Variants in KCNMB2 observed in about 807,000 individuals in gnomAD.
KCNMB2 encodes the protein potassium calcium-activated channel subfamily M regulatory beta subunit 2, also known as calcium-activated potassium channel subunit beta-2.
In KCNMB2, 9 loss-of-function variants were observed where a neutral mutation model predicts 24.5. The ratio of observed to expected loss-of-function variants is 0.37; its 90% CI spans 0.22 to 0.64. The LOEUF is 0.64. Among genes scored for constraint, KCNMB2 ranks in the 30% least tolerant of loss-of-function variants. The pLI is 0.63. For synonymous variants in KCNMB2, 109 were observed against 104.4 expected (o/e 1.04, Z -0.27); for missense variants, 226 against 284.3 (o/e 0.79, Z 1.47).
chr3:178,795,507 T>C (rs1045641402), intron 1 of KCNMB2, among the ~76,000 whole-genome samples: 6 of 152,206 alleles, frequency 3.9e-5, no homozygotes, highest in Non-Finnish European at 5.9e-5. Flanking sequence ...TTTTCCTGGC[T>C]GAGCCACACA....
chr3:178,547,455 T>C (rs1715810612), intron 1 of KCNMB2, among the ~76,000 whole-genome samples: 3 of 152,222 alleles, frequency 2.0e-5, no homozygotes, highest in Non-Finnish European at 4.4e-5. Flanking sequence ...GGTGAGATTA[T>C]GGAACACTGG....
At chr3:178,588,252 G>A (rs1017689502) in intron 1 of KCNMB2, among the ~76,000 whole-genome samples, 1 of 152,040 alleles carries the variant, frequency 6.6e-6, no homozygotes, top group Non-Finnish European at 1.5e-5. Flanking sequence ...GCAAAAAAAA[G>A]GCCTCATTCC....
intron 1 of KCNMB2, among the ~76,000 whole-genome samples, chr3:178,663,674 C>G (rs1025147088): frequency 6.6e-6 from 1 of 152,124 alleles, no homozygotes; most frequent in Non-Finnish European, 1.5e-5. Context: ...AGGGACCTAG[C>G]TGATACCAAA....
chr3:178,593,738 G>A (rs193016657), intron 1 of KCNMB2, among the ~76,000 whole-genome samples: 9 of 150,802 alleles, frequency 6.0e-5, no homozygotes, highest in Middle Eastern at 6.8e-3. Context: ...TCTCTTTCCC[G>A]TGTTGCAATG....
At chr3:178,673,025 C>T (rs191807938) in intron 1 of KCNMB2, among the ~76,000 whole-genome samples, 86 of 152,298 alleles carry the variant, frequency 5.6e-4, no homozygotes, top group Admixed American at 4.5e-3. Context: ...ACTCATTGAT[C>T]ATACTATTCT....
chr3:178,799,725 A>C (rs1713702668), intron 1 of KCNMB2, among the ~76,000 whole-genome samples: 1 of 152,118 alleles, frequency 6.6e-6, no homozygotes, highest in Non-Finnish European at 1.5e-5. Context: ...CCAAAGCCAT[A>C]CTGAGCAAAA....
At chr3:178,739,102 G>GAA (rs35023195) in intron 1 of KCNMB2, among the ~76,000 whole-genome samples, 3,720 of 142,122 alleles carry the variant, frequency 0.026, 67 homozygotes, top group Non-Finnish European at 0.039. Flanking sequence ...CTAAATAACA[G>GAA]AAAAAAAAAA....
intron 1 of KCNMB2, among the ~76,000 whole-genome samples, chr3:178,650,861 G>T (rs765044712): frequency 1.3e-5 from 2 of 151,874 alleles, no homozygotes; most frequent in Admixed American, 6.6e-5. Flanking sequence ...ATTTAACACC[G>T]CTTCATGCTA....
At chr3:178,835,190 G>A (rs2108474851) in intron 4 of KCNMB2, among the ~76,000 whole-genome samples, 1 of 151,892 alleles carries the variant, frequency 6.6e-6, no homozygotes, top group South Asian at 2.1e-4. Flanking sequence ...TACAGGAAAG[G>A]AAAATCTCTC....
At chr3:178,775,227 T>G (rs2108425482) in intron 1 of KCNMB2, among the ~76,000 whole-genome samples, 1 of 152,354 alleles carries the variant, frequency 6.6e-6, no homozygotes, top group Admixed American at 6.5e-5. Flanking sequence ...ATTACATTTT[T>G]TTTAAACACT....
intron 4 of KCNMB2, among the ~76,000 whole-genome samples, chr3:178,833,389 T>C (rs1187133539): frequency 2.0e-5 from 3 of 152,198 alleles, no homozygotes; most frequent in African/African-American, 7.2e-5. Flanking sequence ...CTCACTTTCC[T>C]GGCCCAGTGA....
chr3:178,602,344 AC>A (rs756244029), intron 1 of KCNMB2, among the ~76,000 whole-genome samples: 8 of 152,108 alleles, frequency 5.3e-5, no homozygotes, highest in Non-Finnish European at 1.2e-4. Flanking sequence ...TGATTTACCT[AC>A]TATATGCCTG....
intron 1 of KCNMB2, among the ~76,000 whole-genome samples, chr3:178,603,692 T>C (rs896102873): frequency 2.0e-5 from 3 of 152,126 alleles, no homozygotes; most frequent in African/African-American, 7.2e-5. Context: ...AGCATGTTAG[T>C]TGAATGATAA....
At chr3:178,606,944 A>G (rs1244209897) in intron 1 of KCNMB2, among the ~76,000 whole-genome samples, 1 of 152,210 alleles carries the variant, frequency 6.6e-6, no homozygotes, top group Non-Finnish European at 1.5e-5. Flanking sequence ...CTATGAACCA[A>G]TAAGTAGTCC....
chr3:178,760,685 G>A (rs975060447), intron 1 of KCNMB2, among the ~76,000 whole-genome samples: 6 of 151,620 alleles, frequency 4.0e-5, no homozygotes, highest in South Asian at 4.2e-4. Context: ...AGATGCAGTC[G>A]AAGTGTAAGG....
At chr3:178,566,495 A>G (rs2108470448) in intron 1 of KCNMB2, among the ~76,000 whole-genome samples, 1 of 152,270 alleles carries the variant, frequency 6.6e-6, no homozygotes, top group African/African-American at 2.4e-5. Context: ...ACTCATATGG[A>G]CTATAACACA....
intron 1 of KCNMB2, among the ~76,000 whole-genome samples, chr3:178,563,515 C>T (rs1014622792): frequency 1.3e-5 from 2 of 152,182 alleles, no homozygotes; most frequent in Non-Finnish European, 2.9e-5. Flanking sequence ...AACCTGGACT[C>T]AATTTCATGT....
At position 178,656,224 on chromosome 3, in the gene KCNMB2, C is replaced by T. The variant is rs954963838; in HGVS notation, c.-68+119513C>T. Among the ~76,000 whole-genome samples the T allele has an allele frequency of 5.3e-5, 8 of 152,176 alleles. 1 individual carries two copies. The highest frequency in any genetic ancestry group is 1.9e-4 in the African/African-American group (8 of 41,520). On this transcript the variant is annotated intron_variant, in intron 1 of 4. Transcript: ENST00000452583. ...AGATATCTTCACAGTCTAGTAAATG[C>T]AAATAGAATTATTTCTGACAACTGA... is the stretch of plus-strand genomic sequence containing the variant.
intron 1 of KCNMB2, among the ~76,000 whole-genome samples, chr3:178,667,822 G>A (rs1479053303): frequency 1.3e-5 from 2 of 152,054 alleles, no homozygotes; most frequent in Non-Finnish European, 2.9e-5. Flanking sequence ...CCACTCTTGA[G>A]TATCGGCTTT....
Sources: gnomAD v4.1 joint callset for allele counts (sites outside exome capture counted in the v4.1 genomes callset) on GRCh38, gnomAD v4.1.1 for gene constraint, MANE v1.5 for transcripts, NCBI Gene and HGNC (gene_info 2026-07-23, HGNC 2026-07-21) for gene names.